Variants in AOAH observed in about 807,000 individuals in gnomAD.
The protein encoded by AOAH is acyloxyacyl hydrolase, also known as acyloxyacyl hydrolase (neutrophil).
In AOAH, 64 loss-of-function variants were observed where a neutral mutation model predicts 92.2. The ratio of observed to expected loss-of-function variants is 0.69; its 90% CI spans 0.57 to 0.86. AOAH has a LOEUF of 0.86. Ranked by LOEUF, AOAH falls within the 40% of genes least tolerant of loss-of-function variation. AOAH has a pLI of 0.00. For missense variants in AOAH, 656 were observed against 694.6 expected (o/e 0.94, Z 0.62); for synonymous variants, 263 against 254.5 (o/e 1.03, Z -0.32).
intron 2 of AOAH, among the ~76,000 whole-genome samples, chr7:36,677,185 A>G (rs1256242692): frequency 6.6e-6 from 1 of 152,218 alleles, no homozygotes; most frequent in Non-Finnish European, 1.5e-5. Flanking sequence ...CCAATCATAT[A>G]TCAAATGACC....
chr7:36,626,312 T>C (rs1792659699), intron 6 of AOAH, among the ~76,000 whole-genome samples: 1 of 152,202 alleles, frequency 6.6e-6, no homozygotes, highest in South Asian at 2.1e-4. Context: ...CCACCTTTGT[T>C]ATCTTGGGGG....
At chr7:36,672,130 G>T (rs972260872) in intron 3 of AOAH, among the ~76,000 whole-genome samples, 10 of 152,122 alleles carry the variant, frequency 6.6e-5, no homozygotes, top group African/African-American at 2.4e-4. Context: ...ACAGCCCAGG[G>T]GTTATGAAAA....
intron 13 of AOAH, among the ~76,000 whole-genome samples, chr7:36,555,372 C>T (rs1786625205): frequency 6.6e-6 from 1 of 152,086 alleles, no homozygotes; most frequent in Non-Finnish European, 1.5e-5. Context: ...TGATGTGCTG[C>T]TGGATTCGGT....
intron 1 of AOAH, among the ~76,000 whole-genome samples, chr7:36,693,739 T>C (rs1376201361): frequency 1.3e-5 from 2 of 152,232 alleles, no homozygotes. Context: ...AAAATGTTAT[T>C]GGAATTGCAC....
chr7:36,591,619 G>A (rs1789749957), intron 12 of AOAH, among the ~76,000 whole-genome samples: 1 of 152,220 alleles, frequency 6.6e-6, no homozygotes, highest in African/African-American at 2.4e-5. Flanking sequence ...GCACTGATCA[G>A]GATGATGGGT....
intron 5 of AOAH, among the ~76,000 whole-genome samples, chr7:36,633,715 G>A (rs1793313397): frequency 6.6e-6 from 1 of 152,180 alleles, no homozygotes; most frequent in South Asian, 2.1e-4. Flanking sequence ...GTGTCAGGCA[G>A]AGGAATCACA....
chr7:36,527,472 C>A (rs1434081791), intron 19 of AOAH, among the ~76,000 whole-genome samples: 2 of 152,040 alleles, frequency 1.3e-5, no homozygotes, highest in African/African-American at 2.4e-5. Flanking sequence ...GTAATGGATG[C>A]ATTTCTACCA....
chr7:36,524,856 C>T (rs1251013983), intron 19 of AOAH, among the ~76,000 whole-genome samples: 1 of 151,864 alleles, frequency 6.6e-6, no homozygotes, highest in Non-Finnish European at 1.5e-5. Context: ...TTTTAGCCTC[C>T]GGAACTGTGA....
Position 36,530,503 on chromosome 7 carries a change from T to C in AOAH, c.1437A>G (p.Gln479=), listed in dbSNP as rs143459033. Residue 479 remains glutamine (Q), a synonymous_variant, in exon 19 of 21, where the codon CAA becomes CAG. Coordinates refer to ENST00000617537, the MANE Select transcript of AOAH (RefSeq NM_001637.4). The part of the protein sequence containing the change: ...LRTLTSERAE[Q]LSNTLKKIAA... ...CAATTTTTTTCAGTGTGTTGGAGAG[T>C]TGCTCTGCTCTCTGAAGAGAGAGGA... 134 of 1,611,442 alleles carry C rather than the reference T, an allele frequency of 8.3e-5. No homozygotes were observed. The African/African-American group carries it at 1.5e-3, about 18-fold the overall frequency.
At chr7:36,650,231 G>T (rs11980004) in intron 4 of AOAH, among the ~76,000 whole-genome samples, 1 of 152,082 alleles carries the variant, frequency 6.6e-6, no homozygotes, top group African/African-American at 2.4e-5. Flanking sequence ...GAGAAAATCC[G>T]TAGAAAAAGA....
Position 36,558,179 on chromosome 7 carries a change from C to A in AOAH, c.1022-8704G>T, listed in dbSNP as rs572931416. Among the ~76,000 whole-genome samples, 428 of 152,196 alleles carry A rather than the reference C, an allele frequency of 2.8e-3. 2 individuals carry two copies. Among genetic ancestry groups the A allele is most frequent in the African/African-American group, 9.8e-3 (407 of 41,516 alleles). ...TGGGTTTTTGGTGTGGATGTCCTTT[C>A]TGTTTGTTAGTTTTCCTTCTAACAG... On this transcript the variant is annotated intron_variant, in intron 13 of 20. Coordinates refer to ENST00000617537, the MANE Select transcript of AOAH (RefSeq NM_001637.4).
At chr7:36,551,362 G>A (rs756521161) in intron 13 of AOAH, among the ~76,000 whole-genome samples, 9 of 151,938 alleles carry the variant, frequency 5.9e-5, no homozygotes, top group East Asian at 3.9e-4. Flanking sequence ...GTGAGCCACC[G>A]CATCTGGCCT....
chr7:36,519,721 C>T (rs543625994), intron 20 of AOAH, among the ~76,000 whole-genome samples: 2 of 152,366 alleles, frequency 1.3e-5, no homozygotes, highest in African/African-American at 2.4e-5. Context: ...TGAGCCACCA[C>T]ACCTGGCCTG....
intron 12 of AOAH, among the ~76,000 whole-genome samples, chr7:36,586,769 A>G (rs751352513): frequency 2.0e-5 from 3 of 152,202 alleles, no homozygotes; most frequent in Non-Finnish European, 4.4e-5. Flanking sequence ...TTAATTATCA[A>G]TTCATTTTAG....
chr7:36,552,445 A>G (rs1005250744), intron 13 of AOAH, among the ~76,000 whole-genome samples: 1 of 152,218 alleles, frequency 6.6e-6, no homozygotes, highest in Non-Finnish European at 1.5e-5. Flanking sequence ...TGCTATCATG[A>G]ATAGTGCTGC....
At chr7:36,709,287 G>C (rs1482744559) in intron 1 of AOAH, among the ~76,000 whole-genome samples, 1 of 152,104 alleles carries the variant, frequency 6.6e-6, no homozygotes, top group Non-Finnish European at 1.5e-5. Context: ...CCCAATAGCA[G>C]TAAACCAGCT....
Position 36,562,159 on chromosome 7 carries a change from T to C in AOAH, c.1022-12684A>G, listed in dbSNP as rs191346698. On this transcript the variant is annotated intron_variant, in intron 13 of 20. Coordinates refer to ENST00000617537, the MANE Select transcript of AOAH (RefSeq NM_001637.4). ...TTTATGCAATTCTCATGTCACTGTT[T>C]CTTGTTAATTTCCTTTTGCTGTTGT... Among the ~76,000 whole-genome samples, 238 of 152,340 alleles carry C rather than the reference T, an allele frequency of 1.6e-3. 3 individuals carry two copies. In the East Asian group the frequency reaches 0.021, roughly 14 times the overall value.
chr7:36,535,114 CTGTG>C (rs1234210435), intron 16 of AOAH, among the ~76,000 whole-genome samples: 8 of 138,290 alleles, frequency 5.8e-5, no homozygotes, highest in East Asian at 4.3e-4. Flanking sequence ...GTGTCTGTGT[CTGTG>C]TGTGTATGTG....
Position 36,659,273 on chromosome 7 carries a change from G to C in AOAH, c.291-8C>G. ...TTCATATCTGCGCTAAGCCTGGAGG[G>C]AAACGGTGCAAAACAAAGGCTATTC... On this transcript the variant is annotated splice_polypyrimidine_tract_variant and splice_region_variant and intron_variant, in intron 3 of 20. Transcript: ENST00000617537. The C allele has an allele frequency of 6.2e-7, 1 of 1,610,632 alleles. No homozygotes were observed. Among genetic ancestry groups the C allele is most frequent in the Non-Finnish European group, 8.5e-7 (1 of 1,176,784 alleles).
Sources: allele counts gnomAD v4.1 joint callset (sites outside exome capture counted in the v4.1 genomes callset), GRCh38; gene constraint gnomAD v4.1.1; transcripts MANE v1.5; gene names NCBI Gene and HGNC (gene_info 2026-07-23, HGNC 2026-07-21).